Variants in RYR2 observed in about 807,000 individuals in gnomAD.
The protein encoded by RYR2 is cardiac muscle ryanodine receptor-calcium release channel.
A neutral mutation model predicts 601.1 loss-of-function variants in RYR2; 227 were observed. The ratio of observed to expected loss-of-function variants is 0.38; its 90% CI spans 0.34 to 0.42. The LOEUF (loss-of-function observed/expected upper bound fraction) is 0.42. Ranked by LOEUF, RYR2 falls within the 10% of genes least tolerant of loss-of-function variation. The pLI, the probability that RYR2 is intolerant of heterozygous loss-of-function variation, is 1.00. For synonymous variants in RYR2, 2,223 were observed against 2,175.1 expected (o/e 1.02, Z -0.61); for missense variants, 4,646 against 6,156.5 (o/e 0.75, Z 8.21).
Position 237,579,023 on chromosome 1 carries a change from A to G in RYR2, c.3598+9704A>G, listed in dbSNP as rs879415918. Among the ~76,000 whole-genome samples, 160 of 75,842 alleles carry G rather than the reference A, an allele frequency of 2.1e-3. 1 individual carries two copies. The highest frequency in any genetic ancestry group is 3.1e-3 in the Non-Finnish European group (112 of 36,334). 49.8% of individuals were successfully genotyped at this position (75,842 alleles called of 152,430 possible). ...AGAATCAGATATCAGCTTAGAGGGA[A>G]AAAAAAAGAAACAAAACACAACTAA... is the stretch of plus-strand genomic sequence containing the variant. On this transcript the variant is annotated intron_variant, in intron 29 of 104. Transcript: ENST00000366574.
Position 237,388,439 on chromosome 1 carries a change from G to C in RYR2, c.773+256G>C, listed in dbSNP as rs139753660. On this transcript the variant is annotated intron_variant, in intron 10 of 104. Transcript: ENST00000366574. The stretch of plus-strand genomic sequence containing the variant: ...TTAAGAAACACTGAACAAAATTAAC[G>C]AAGTGAGAAGAGTGACCACATTGCA... 1.5e-3 allele frequency among the ~76,000 whole-genome samples: 230 copies of C among 152,264 alleles called. 1 individual carries two copies. The highest frequency in any genetic ancestry group is 5.4e-3 in the African/African-American group (225 of 41,554).
At position 237,633,564 on chromosome 1, in the gene RYR2, T is replaced by A; in HGVS notation, c.6556-14T>A. The A allele has an allele frequency of 6.2e-7, 1 of 1,613,658 alleles. No individual in the cohort carries two copies. Among genetic ancestry groups the A allele is most frequent in the Non-Finnish European group, 8.5e-7 (1 of 1,179,740 alleles). On this transcript the variant is annotated splice_polypyrimidine_tract_variant and intron_variant, in intron 42 of 104. Transcript: ENST00000366574. ...CGTTTGCTTTCAGCAGCTAATGACA[T>A]GCTTTATCTGTAGGAAATCACCTTT...
At chr1:237,674,072 G>A (rs763400916) in intron 58 of RYR2, 24 bp from the exon 59 acceptor site, 28 of 1,599,292 alleles carry the variant, frequency 1.8e-5, no homozygotes, top group Non-Finnish European at 2.2e-5. Flanking sequence ...ACTATGCTGT[G>A]TTCTTGTCCT....
intron 14 of RYR2, among the ~76,000 whole-genome samples, chr1:237,446,946 CTT>C (rs1558833118): frequency 6.6e-6 from 1 of 152,094 alleles, no homozygotes. Context: ...GAAATTATAA[CTT>C]ATTTTGGAAA....
At position 237,387,526 on chromosome 1, in the gene RYR2, T is replaced by A. The variant is rs141656156; in HGVS notation, c.676+146T>A. On this transcript the variant is annotated intron_variant, in intron 9 of 104. Coordinates refer to ENST00000366574, the MANE Select transcript of RYR2 (RefSeq NM_001035.3). The stretch of plus-strand genomic sequence containing the variant: ...AATGCAGATACCTGACATTTGAGGA[T>A]CTTGTTTAAACTGCTATTTTAACAG... 1.5e-4 allele frequency: 108 copies of A among 698,014 alleles called. No individual in the cohort carries two copies. The East Asian group carries it at 2.3e-3, about 15-fold the overall frequency. 43.2% of individuals were successfully genotyped at this position (698,014 alleles called of 1,614,324 possible). A position where few individuals can be genotyped will look rare whatever the true frequency, so the allele number is the denominator to read the frequency against.
intron 1 of RYR2, among the ~76,000 whole-genome samples, chr1:237,234,998 AC>A (rs1034305313): frequency 6.6e-6 from 1 of 151,072 alleles, no homozygotes; most frequent in African/African-American, 2.4e-5. Context: ...TGATGTAGTA[AC>A]CCCCCCTGGG....
At chr1:237,509,146 G>T (rs1665620268) in intron 23 of RYR2, among the ~76,000 whole-genome samples, 1 of 152,152 alleles carries the variant, frequency 6.6e-6, no homozygotes, top group African/African-American at 2.4e-5. Flanking sequence ...AGGCAACACT[G>T]GGCTTGATGT....
At chr1:237,366,849 C>T (rs186709459) in intron 5 of RYR2, among the ~76,000 whole-genome samples, 33 of 152,100 alleles carry the variant, frequency 2.2e-4, no homozygotes, top group Non-Finnish European at 3.8e-4. Context: ...TTAAAGTTCA[C>T]GTGGATTTTA....
At chr1:237,448,646 T>A (rs924292482) in intron 14 of RYR2, among the ~76,000 whole-genome samples, 3 of 152,274 alleles carry the variant, frequency 2.0e-5, no homozygotes, top group African/African-American at 7.2e-5. Context: ...CTTTTCTTGG[T>A]GCATTTTGAA....
At chr1:237,315,323 GT>G (rs967170693) in intron 2 of RYR2, among the ~76,000 whole-genome samples, 14 of 151,556 alleles carry the variant, frequency 9.2e-5, no homozygotes, top group East Asian at 1.9e-4. Context: ...AAGATACTAT[GT>G]TTTTTTTCAA....
intron 1 of RYR2, among the ~76,000 whole-genome samples, chr1:237,144,429 C>T (rs369404546): frequency 3.3e-5 from 5 of 152,242 alleles, no homozygotes; most frequent in East Asian, 3.9e-4. Context: ...GTTAGACTGC[C>T]GTCTTCCAGT....
At chr1:237,811,666 G>A (rs1661267528) in intron 100 of RYR2, among the ~76,000 whole-genome samples, 1 of 152,118 alleles carries the variant, frequency 6.6e-6, no homozygotes, top group South Asian at 2.1e-4. Context: ...CGAAGGCTTG[G>A]AACTTCAAAA....
chr1:237,441,608 G>A, intron 13 of RYR2, 125 bp downstream of exon 13: 1 of 789,410 alleles, frequency 1.3e-6, no homozygotes, highest in Non-Finnish European at 1.9e-6. Context: ...CAAGTGAAAG[G>A]GCAGATTCCA....
intron 12 of RYR2, among the ~76,000 whole-genome samples, chr1:237,440,291 G>A (rs1011806894): frequency 6.6e-6 from 1 of 151,992 alleles, no homozygotes; most frequent in Non-Finnish European, 1.5e-5. Flanking sequence ...CAAAACATTC[G>A]TTTAACTATA....
intron 75 of RYR2, 133 bp downstream of exon 75, chr1:237,726,441 G>T: frequency 3.1e-6 from 2 of 643,944 alleles, no homozygotes; most frequent in Non-Finnish European, 2.8e-6. Flanking sequence ...TAAATAACTT[G>T]CTTGCATCAT....
At chr1:237,721,870 G>T (rs1689748057) in intron 73 of RYR2, among the ~76,000 whole-genome samples, 1 of 152,056 alleles carries the variant, frequency 6.6e-6, no homozygotes, top group Admixed American at 6.6e-5. Context: ...TCTTTGAACT[G>T]ATATGTTCTA....
chr1:237,797,271 C>CTGAA (rs1333801007), intron 96 of RYR2, among the ~76,000 whole-genome samples: 1 of 151,782 alleles, frequency 6.6e-6, no homozygotes, highest in Non-Finnish European at 1.5e-5. Context: ...AGCAAGGAAG[C>CTGAA]TGAAGGGGAT....
intron 8 of RYR2, among the ~76,000 whole-genome samples, chr1:237,380,324 G>GTA (rs1353173080): frequency 8.5e-6 from 1 of 117,280 alleles, no homozygotes; most frequent in Non-Finnish European, 1.8e-5. Flanking sequence ...TGGGCTGTGT[G>GTA]TATATATATG....
intron 19 of RYR2, among the ~76,000 whole-genome samples, chr1:237,495,003 C>T (rs541097716): frequency 1.3e-5 from 2 of 152,044 alleles, no homozygotes; most frequent in East Asian, 3.9e-4. Context: ...GTTGGCCAGC[C>T]TGGTCTCGAA....
Sources: allele counts gnomAD v4.1 joint callset (sites outside exome capture counted in the v4.1 genomes callset), GRCh38; gene constraint gnomAD v4.1.1; transcripts MANE v1.5; gene names NCBI Gene and HGNC (gene_info 2026-07-23, HGNC 2026-07-21).